Variants in XRCC4 observed in about 807,000 individuals in gnomAD.
The protein encoded by XRCC4 is DNA repair protein XRCC4.
A neutral mutation model predicts 39.1 loss-of-function variants in XRCC4; 28 were observed. That is an observed-to-expected ratio of 0.72 (90% CI 0.53 to 0.98). The LOEUF is 0.98. XRCC4 is among the 50% of genes least tolerant of loss of function. The pLI is 0.00. For missense variants in XRCC4, 350 were observed against 376.4 expected, an observed-to-expected ratio of 0.93 and a Z score of 0.58; for synonymous variants, 123 against 126.4, an observed-to-expected ratio of 0.97 and a Z score of 0.18.
At chr5:83,240,361 G>A (rs1305266552) in intron 6 of XRCC4, among the ~76,000 whole-genome samples, 1 of 152,120 alleles carries the variant, frequency 6.6e-6, no homozygotes, top group Non-Finnish European at 1.5e-5. Flanking sequence ...TCTAGAGAAA[G>A]AAGACACAAG....
intron 3 of XRCC4, among the ~76,000 whole-genome samples, chr5:83,160,092 A>C (rs908267198): frequency 1.3e-5 from 2 of 152,180 alleles, no homozygotes; most frequent in African/African-American, 4.8e-5. Flanking sequence ...ATTTAAAAAG[A>C]AATAGAAATA....
At chr5:83,351,838 G>A (rs1757093221) in intron 7 of XRCC4, among the ~76,000 whole-genome samples, 1 of 152,160 alleles carries the variant, frequency 6.6e-6, no homozygotes, top group Non-Finnish European at 1.5e-5. Context: ...CTAATAATCT[G>A]TGCAACTAGG....
intron 1 of XRCC4, among the ~76,000 whole-genome samples, chr5:83,089,915 A>G (rs1171250152): frequency 2.0e-5 from 3 of 152,174 alleles, no homozygotes; most frequent in Non-Finnish European, 4.4e-5. Context: ...GAACTTAGGA[A>G]CAGCCAAATG....
chr5:83,099,630 A>G (rs1416471139), intron 1 of XRCC4, among the ~76,000 whole-genome samples: 3 of 152,134 alleles, frequency 2.0e-5, no homozygotes, highest in African/African-American at 4.8e-5. Context: ...TCAATTCTCA[A>G]TTGTTCTGAA....
intron 7 of XRCC4, among the ~76,000 whole-genome samples, chr5:83,335,872 C>A (rs1311437662): frequency 1.3e-5 from 2 of 151,742 alleles, no homozygotes; most frequent in African/African-American, 4.8e-5. Context: ...TAAAAATAAG[C>A]TTTTTTTAAA....
At chr5:83,347,185 A>G (rs553687728) in intron 7 of XRCC4, among the ~76,000 whole-genome samples, 106 of 152,330 alleles carry the variant, frequency 7.0e-4, no homozygotes, top group Admixed American at 1.8e-3. Flanking sequence ...ATTATAGAGT[A>G]AAAATATCAA....
chr5:83,097,350 G>GTTTTTT (rs5869160), intron 1 of XRCC4, among the ~76,000 whole-genome samples: 1 of 142,738 alleles, frequency 7.0e-6, no homozygotes. Context: ...TATAGGTTTT[G>GTTTTTT]TTTTTTTTTT....
chr5:83,220,914 TC>T (rs1752058824), intron 6 of XRCC4, among the ~76,000 whole-genome samples: 1 of 152,198 alleles, frequency 6.6e-6, no homozygotes, highest in Admixed American at 6.5e-5. Flanking sequence ...ATATTTTCTT[TC>T]TTTTTCGGTG....
intron 7 of XRCC4, among the ~76,000 whole-genome samples, chr5:83,264,815 T>C (rs1753898005): frequency 6.6e-6 from 1 of 152,202 alleles, no homozygotes; most frequent in African/African-American, 2.4e-5. Context: ...TTAAAAGCAG[T>C]TGATTAATTT....
At chr5:83,176,381 A>G (rs914724892) in intron 3 of XRCC4, among the ~76,000 whole-genome samples, 26 of 152,162 alleles carry the variant, frequency 1.7e-4, no homozygotes, top group Admixed American at 1.1e-3. Context: ...ATGACAGATG[A>G]AGGTGCCACC....
intron 6 of XRCC4, among the ~76,000 whole-genome samples, chr5:83,214,525 C>T (rs1278191464): frequency 6.6e-6 from 1 of 151,956 alleles, no homozygotes; most frequent in African/African-American, 2.4e-5. Flanking sequence ...ATAGTTGAGA[C>T]ACCCATCTTT....
intron 7 of XRCC4, among the ~76,000 whole-genome samples, chr5:83,306,799 G>C (rs1755504887): frequency 6.6e-6 from 1 of 152,216 alleles, no homozygotes; most frequent in Admixed American, 6.5e-5. Context: ...GACTGCATTA[G>C]AGATGCTGGA....
chr5:83,273,782 G>C (rs1561447679), intron 7 of XRCC4, among the ~76,000 whole-genome samples: 1 of 152,068 alleles, frequency 6.6e-6, no homozygotes, highest in Non-Finnish European at 1.5e-5. Flanking sequence ...CTATATATCT[G>C]TTTTGGTGCC....
the XRCC4 span, among the ~76,000 whole-genome samples, chr5:83,368,647 A>G: frequency 6.6e-6 from 1 of 152,194 alleles, no homozygotes; most frequent in Non-Finnish European, 1.5e-5. Context: ...CTGCTTACAA[A>G]AACTGTGGGT....
chr5:83,103,347 T>C (rs1310069397), intron 1 of XRCC4, among the ~76,000 whole-genome samples: 1 of 152,114 alleles, frequency 6.6e-6, no homozygotes, highest in Non-Finnish European at 1.5e-5. Context: ...TAACTTTCAG[T>C]ATTACATTGT....
At chr5:83,320,036 G>T (rs1304421773) in intron 7 of XRCC4, among the ~76,000 whole-genome samples, 1 of 150,966 alleles carries the variant, frequency 6.6e-6, no homozygotes, top group Non-Finnish European at 1.5e-5. Context: ...CATAAATAAT[G>T]ATGAGTTCAT....
At chr5:83,280,292 T>G (rs1020016674) in intron 7 of XRCC4, 3 of 395,312 alleles carry the variant, frequency 7.6e-6, no homozygotes, top group Non-Finnish European at 9.6e-6. Flanking sequence ...GATACTACAT[T>G]TGATGTTTTA....
chr5:83,134,878 C>T (rs1402718498), intron 3 of XRCC4, among the ~76,000 whole-genome samples: 1 of 152,194 alleles, frequency 6.6e-6, no homozygotes, highest in Non-Finnish European at 1.5e-5. Flanking sequence ...GACACGCCAC[C>T]TTGAAGAGCT....
At chr5:83,216,213 A>C (rs1047509189) in intron 6 of XRCC4, among the ~76,000 whole-genome samples, 7 of 152,200 alleles carry the variant, frequency 4.6e-5, no homozygotes, top group Admixed American at 1.3e-4. Flanking sequence ...ACATGAACAG[A>C]TGCTTAACAT....
Sources: allele counts gnomAD v4.1 joint callset (sites outside exome capture counted in the v4.1 genomes callset), GRCh38; gene constraint gnomAD v4.1.1; transcripts MANE v1.5; gene names NCBI Gene and HGNC (gene_info 2026-07-23, HGNC 2026-07-21).